SPAG17: variants seen among roughly 807,000 people sequenced by gnomAD.
The protein encoded by SPAG17 is sperm associated antigen 17.
SPAG17 carries 169 observed loss-of-function variants against 273.6 expected under a neutral mutation model. That is an observed-to-expected ratio of 0.62 (90% CI 0.55 to 0.70). The LOEUF (loss-of-function observed/expected upper bound fraction) is 0.70. Among genes scored for constraint, SPAG17 ranks in the 30% least tolerant of loss-of-function variants. SPAG17 has a pLI of 0.00. For missense variants in SPAG17, 2,557 were observed against 2,627.8 expected (o/e 0.97, Z 0.59); for synonymous variants, 825 against 873.2 (o/e 0.94, Z 0.97).
chr1:118,148,155 G>C (rs1017169144), intron 3 of SPAG17, among the ~76,000 whole-genome samples: 3 of 152,176 alleles, frequency 2.0e-5, no homozygotes, highest in African/African-American at 7.2e-5. Flanking sequence ...AGTTTCCTTT[G>C]AGAAATGGGA....
intron 5 of SPAG17, among the ~76,000 whole-genome samples, chr1:118,100,470 T>C (rs192344084): frequency 2.0e-5 from 3 of 152,318 alleles, no homozygotes; most frequent in African/African-American, 4.8e-5. Flanking sequence ...ATAATTGTTA[T>C]ACTTTAATAC....
At chr1:118,038,923 A>G (rs1358599638) in intron 23 of SPAG17, among the ~76,000 whole-genome samples, 2 of 152,118 alleles carry the variant, frequency 1.3e-5, no homozygotes, top group African/African-American at 4.8e-5. Context: ...TCTGGGTGAT[A>G]ATGATATGTT....
intron 3 of SPAG17, among the ~76,000 whole-genome samples, chr1:118,122,173 G>A (rs2102274844): frequency 6.6e-6 from 1 of 152,164 alleles, no homozygotes; most frequent in South Asian, 2.1e-4. Flanking sequence ...GTGTGTGTGT[G>A]TGTGTGTTTA....
intron 1 of SPAG17, among the ~76,000 whole-genome samples, chr1:118,181,795 C>A (rs1660962217): frequency 6.6e-6 from 1 of 152,068 alleles, no homozygotes; most frequent in African/African-American, 2.4e-5. Context: ...ATGATGTAGC[C>A]ACTGTGCAAA....
intron 1 of SPAG17, 132 bp from the exon 2 acceptor site, chr1:118,151,501 A>G: frequency 1.1e-6 from 1 of 899,078 alleles, no homozygotes; most frequent in East Asian, 3.1e-5. Context: ...CTTGTAATGT[A>G]TGTGGTTTTC....
chr1:118,049,737 A>G (rs943020205), intron 20 of SPAG17, among the ~76,000 whole-genome samples: 1 of 152,222 alleles, frequency 6.6e-6, no homozygotes, highest in African/African-American at 2.4e-5. Flanking sequence ...GGAAAAATAA[A>G]AAAAACTAGA....
At position 118,013,622 on chromosome 1, in the gene SPAG17, G is replaced by A. The variant is rs137913323; in HGVS notation, c.4288-1250C>T. Among the ~76,000 whole-genome samples, 8 of 152,216 alleles carry A rather than the reference G, an allele frequency of 5.3e-5. No homozygotes were observed. In the East Asian group the frequency reaches 1.4e-3, roughly 26 times the overall value. On this transcript the variant is annotated intron_variant, in intron 29 of 48. Coordinates refer to ENST00000336338, the MANE Select transcript of SPAG17 (RefSeq NM_206996.4). ...CTTGGAAATGTTATGTGGGTTAAAC[G>A]AGATGATGCTGGTAAAGTGCGTCAC...
chr1:118,180,244 A>G (rs1660878817), intron 1 of SPAG17, among the ~76,000 whole-genome samples: 2 of 152,086 alleles, frequency 1.3e-5, no homozygotes, highest in Non-Finnish European at 2.9e-5. Flanking sequence ...TATGCAGTAC[A>G]TATACACAAT....
intron 10 of SPAG17, among the ~76,000 whole-genome samples, chr1:118,088,262 T>C (rs1200482249): frequency 6.6e-6 from 1 of 152,222 alleles, no homozygotes; most frequent in African/African-American, 2.4e-5. Context: ...TCATTCAACA[T>C]GGATCTACTG....
intron 48 of SPAG17, among the ~76,000 whole-genome samples, chr1:117,955,651 T>C (rs1243238587): frequency 6.6e-6 from 1 of 152,132 alleles, no homozygotes; most frequent in African/African-American, 2.4e-5. Context: ...TTAATTTGTT[T>C]TATATTTTGG....
In SPAG17 at chr1:117,982,398, C is replaced by T. The variant is rs559462922; in HGVS notation, c.5873-997G>A. Among the ~76,000 whole-genome samples, 1,327 of 152,118 alleles carry T rather than the reference C, an allele frequency of 8.7e-3. 6 individuals are homozygous for T. Among genetic ancestry groups the T allele is most frequent in the Non-Finnish European group, 0.013 (890 of 67,970 alleles). The stretch of plus-strand genomic sequence containing the variant: ...TTGGGACTACAGGCACCCGCCACCA[C>T]GCCTGGCTAATTTTTTGTATTTTTA... On this transcript the variant is annotated intron_variant, in intron 42 of 48. Coordinates refer to ENST00000336338, the MANE Select transcript of SPAG17 (RefSeq NM_206996.4).
chr1:118,071,309 T>C (rs1003852732), intron 17 of SPAG17, among the ~76,000 whole-genome samples: 1 of 152,112 alleles, frequency 6.6e-6, no homozygotes, highest in Non-Finnish European at 1.5e-5. Flanking sequence ...AGATAATTCA[T>C]GGAGAAGACA....
intron 3 of SPAG17, among the ~76,000 whole-genome samples, chr1:118,129,810 C>G (rs896500986): frequency 6.7e-6 from 1 of 149,668 alleles, no homozygotes; most frequent in African/African-American, 2.5e-5. Context: ...CTTCTTCTCC[C>G]TCTTCCTCCT....
intron 44 of SPAG17, 82 bp from the exon 45 acceptor site, chr1:117,972,129 G>T: frequency 8.3e-7 from 1 of 1,201,102 alleles, no homozygotes; most frequent in Non-Finnish European, 1.2e-6. Flanking sequence ...GTCACCAGAG[G>T]AAAATAACTG....
intron 23 of SPAG17, 87 bp downstream of exon 23, chr1:118,039,205 A>G: frequency 7.3e-7 from 1 of 1,374,820 alleles, no homozygotes; most frequent in Non-Finnish European, 1.0e-6. Flanking sequence ...GAAAAAGAAC[A>G]TGCAATAAGC....
At chr1:118,030,226 TG>T (rs1339721033) in intron 25 of SPAG17, among the ~76,000 whole-genome samples, 1 of 152,062 alleles carries the variant, frequency 6.6e-6, no homozygotes, top group African/African-American at 2.4e-5. Context: ...ACAGAGGCAA[TG>T]ACATATTTAA....
chr1:118,149,877 G>C (rs938117264), intron 3 of SPAG17, among the ~76,000 whole-genome samples: 1 of 152,186 alleles, frequency 6.6e-6, no homozygotes, highest in Non-Finnish European at 1.5e-5. Flanking sequence ...CTTGAAAGCT[G>C]TAAGTTAGAT....
At chr1:117,957,563 C>T (rs1384606537) in intron 48 of SPAG17, among the ~76,000 whole-genome samples, 2 of 152,238 alleles carry the variant, frequency 1.3e-5, no homozygotes, top group Non-Finnish European at 2.9e-5. Context: ...GCCAGTTTGC[C>T]TCATTTGTTG....
intron 30 of SPAG17, among the ~76,000 whole-genome samples, chr1:118,011,763 C>G (rs558685067): frequency 6.6e-6 from 1 of 151,848 alleles, no homozygotes; most frequent in Non-Finnish European, 1.5e-5. Context: ...CACACAGACA[C>G]ACACACACAC....
Sources: gnomAD v4.1 joint callset for allele counts (sites outside exome capture counted in the v4.1 genomes callset) on GRCh38, gnomAD v4.1.1 for gene constraint, MANE v1.5 for transcripts, NCBI Gene and HGNC (gene_info 2026-07-23, HGNC 2026-07-21) for gene names.